RGL4: variants seen among roughly 807,000 people sequenced by gnomAD.
RGL4 encodes the protein ral guanine nucleotide dissociation stimulator like 4.
In RGL4, 41 loss-of-function variants were observed where a neutral mutation model predicts 49.6. The ratio of observed to expected loss-of-function variants is 0.83; its 90% CI spans 0.64 to 1.07. The LOEUF is 1.07. Among genes scored for constraint, RGL4 ranks in the 50% least tolerant of loss-of-function variants. RGL4 has a pLI of 0.00. For synonymous variants in RGL4, 255 were observed against 238.0 expected (o/e 1.07, Z -0.66); for missense variants, 610 against 591.9 (o/e 1.03, Z -0.32).
Position 23,698,281 on chromosome 22 carries a change from G to A in RGL4, c.1330G>A (p.Glu444Lys), listed in dbSNP as rs1035945500. ...AAMNYRLRPL[E>K]KFVTYFTRME... ...CATGAATTACAGGCTTCGGCCTCTT[G>A]AGAAATTTGTCACCTATTTCACAAG... The change falls in exon 10 of 11, where the codon GAG becomes AAG. Residue 444 changes from glutamate to lysine, a missense_variant. Glu to Lys is a moderately conservative substitution (Grantham distance 56). Transcript: ENST00000290691. The A allele has an allele frequency of 1.9e-6, 3 of 1,612,100 alleles. No individual in the cohort carries two copies. Among genetic ancestry groups the A allele is most frequent in the African/African-American group, 2.7e-5 (2 of 74,898 alleles).
Position 23,692,091 on chromosome 22 carries a change from G to A in RGL4, c.61G>A (p.Ala21Thr). The part of the protein sequence containing the change: ...AAVLSAQVYS[A>T]VLQGLWEENV... ...AGTCTTGAGTGCCCAGGTGTACAGTGCTGTGCTCCAGGGCCTTTGGGAAGA... is the reference window on the plus strand; with the variant it reads ...AGTCTTGAGTGCCCAGGTGTACAGTACTGTGCTCCAGGGCCTTTGGGAAGA... Residue 21 changes from alanine (A) to threonine (T), a missense_variant, in exon 1 of 11, where the codon GCT becomes ACT. Physicochemically the swap from Ala to Thr is moderately conservative, Grantham distance 58 (BLOSUM62 0). Coordinates refer to ENST00000290691, the MANE Select transcript of RGL4 (RefSeq NM_153615.2). The A allele has an allele frequency of 6.2e-7, 1 of 1,614,102 alleles. No homozygotes were observed. The highest frequency in any genetic ancestry group is 8.5e-7 in the Non-Finnish European group (1 of 1,179,944).
chr22:23,695,314 G>C (rs1923416894), intron 6 of RGL4: 1 of 454,462 alleles, frequency 2.2e-6, no homozygotes, highest in African/African-American at 2.0e-5. Flanking sequence ...CATTAGCAGG[G>C]CTCTGGCTCC....
chr22:23,693,176 C>A (rs1923251839), intron 3 of RGL4, 185 bp downstream of exon 3: 2 of 1,024,694 alleles, frequency 2.0e-6, no homozygotes, highest in Non-Finnish European at 2.8e-6. Flanking sequence ...GATGGGACAT[C>A]ACCAGCGCCA....
intron 6 of RGL4, 190 bp from the exon 7 acceptor site, chr22:23,696,424 G>A (rs746173245): frequency 2.0e-6 from 3 of 1,532,374 alleles, no homozygotes; most frequent in Non-Finnish European, 2.6e-6. Context: ...TTACAGAAGA[G>A]GAAACAGTCT....
At position 23,691,896 on chromosome 22, in the gene RGL4, T is replaced by TG; in HGVS notation, c.-131dup. Reference sequence around the variant, plus strand: ...GTCCCCTGCAAAGCAGAGGGGAGGCTGGGGTCACAGCTGGCCACTGAGAGA... The same window carrying TG: ...GTCCCCTGCAAAGCAGAGGGGAGGCTGGGGGTCACAGCTGGCCACTGAGAGA... On this transcript the variant is annotated 5_prime_UTR_variant, in exon 1 of 11. Transcript: ENST00000290691. The TG allele has an allele frequency of 2.4e-6, 2 of 828,658 alleles. No homozygotes were observed. Among genetic ancestry groups the TG allele is most frequent in the African/African-American group, 1.7e-5 (1 of 58,242 alleles). 51.3% of individuals were successfully genotyped at this position (828,658 alleles called of 1,614,324 possible). A position where few individuals can be genotyped will look rare whatever the true frequency, so the allele number is the denominator to read the frequency against.
At position 23,693,705 on chromosome 22, in the gene RGL4, G is replaced by T. The variant is rs115425550; in HGVS notation, c.697-54G>T. ...GCTCAGTCCCTGCCTGGGACTGTGG[G>T]TGACTCTGAGCTGCAGTGTGCTGTG... On this transcript the variant is annotated intron_variant, in intron 3 of 10. Transcript: ENST00000290691. The T allele has an allele frequency of 8.0e-4, 1,127 of 1,411,900 alleles. 12 individuals are homozygous for T. In the African/African-American group the frequency reaches 0.014, roughly 18 times the overall value. 87.5% of individuals were successfully genotyped at this position (1,411,900 alleles called of 1,614,324 possible).
Position 23,698,556 on chromosome 22 carries a change from T to G in RGL4, c.1382+223T>G, listed in dbSNP as rs192571167. On this transcript the variant is annotated intron_variant, in intron 10 of 10. Coordinates refer to ENST00000290691, the MANE Select transcript of RGL4 (RefSeq NM_153615.2). ...TCTGCTGTTGTTGTTCTGGTACAGA[T>G]GGGGTTTCACGATGATGTCCAGGAT... 6.1e-5 allele frequency: 44 copies of G among 722,796 alleles called. 1 individual carries two copies. Among genetic ancestry groups the G allele is most frequent in the East Asian group, 5.9e-4 (22 of 37,186 alleles). 44.8% of individuals were successfully genotyped at this position (722,796 alleles called of 1,614,324 possible).
chr22:23,694,251 G>A, intron 4 of RGL4, 96 bp from the exon 5 acceptor site: 2 of 1,008,036 alleles, frequency 2.0e-6, no homozygotes, highest in Admixed American at 1.8e-5. Context: ...CCAGGCCTCT[G>A]CTTCATCCAG....
chr22:23,696,667 G>A lies in RGL4; in HGVS notation c.1140G>A (p.Met380Ile). The change falls in exon 7 of 11, where the codon ATG becomes ATA. Residue 380 changes from methionine (M) to isoleucine (I), a missense_variant. By Grantham distance (10) the Met-to-Ile change is conservative (BLOSUM62 1). Coordinates refer to ENST00000290691, the MANE Select transcript of RGL4 (RefSeq NM_153615.2). Reference protein sequence around the residue: ...TQERNPQRVQMRLRRQKKGVV... With the variant: ...TQERNPQRVQIRLRRQKKGVV... ...AGAGGAACCCCCAGAGAGTCCAGATGAGGCTGCGGAGGCAGAAGAAGGTGA... is the reference window on the plus strand; with the variant it reads ...AGAGGAACCCCCAGAGAGTCCAGATAAGGCTGCGGAGGCAGAAGAAGGTGA... 1 of 1,613,342 alleles carries A rather than the reference G, an allele frequency of 6.2e-7. No individual in the cohort carries two copies. The highest frequency in any genetic ancestry group is 8.5e-7 in the Non-Finnish European group (1 of 1,179,768).
chr22:23,695,685 C>T (rs532618197), intron 6 of RGL4, among the ~76,000 whole-genome samples: 101 of 152,328 alleles, frequency 6.6e-4, no homozygotes, highest in African/African-American at 2.1e-3. Flanking sequence ...AGAGGATTCT[C>T]ACCGGTTAGC....
intron 8 of RGL4, 57 bp from the exon 9 acceptor site, chr22:23,697,781 G>A (rs777380523): frequency 1.8e-5 from 28 of 1,566,918 alleles, no homozygotes; most frequent in African/African-American, 2.7e-5. Flanking sequence ...GGGAAGGGGT[G>A]GGGTGGGGCT....
chr22:23,695,080 TGGAA>T, intron 6 of RGL4, 61 bp downstream of exon 6: 1 of 1,261,168 alleles, frequency 7.9e-7, no homozygotes, highest in Non-Finnish European at 1.2e-6. Context: ...AGAGTGAGTT[TGGAA>T]GGGCATTGGA....
chr22:23,694,830 T>A, intron 5 of RGL4, 120 bp from the exon 6 acceptor site: 1 of 787,058 alleles, frequency 1.3e-6, no homozygotes, highest in Admixed American at 1.8e-5. Context: ...ATCAGAGGAC[T>A]CCACTGAAAA....
At position 23,697,819 on chromosome 22, in the gene RGL4, G is replaced by T. The variant is rs1923605380; in HGVS notation, c.1237-19G>T. 4 of 1,602,548 alleles carry T rather than the reference G, an allele frequency of 2.5e-6. No homozygotes were observed. The highest frequency in any genetic ancestry group is 3.4e-6 in the Non-Finnish European group (4 of 1,175,826). The stretch of plus-strand genomic sequence containing the variant: ...TTGTGGGCCAGGGGCCTTTCTGATG[G>T]ACTCTGTCTGCCTTCCAGGGCAACA... On this transcript the variant is annotated intron_variant, in intron 8 of 10. Transcript: ENST00000290691.
chr22:23,693,985 G>C lies in RGL4; in HGVS notation c.912+11G>C. ...ATCAAGGTGGCCAGGGTAAGCTATG[G>C]TTGGGCCTGGGGATTCCCTCTTTAA... On this transcript the variant is annotated intron_variant, in intron 4 of 10. Transcript: ENST00000290691. The C allele has an allele frequency of 6.2e-7, 1 of 1,611,496 alleles. No homozygotes were observed. The highest frequency in any genetic ancestry group is 1.7e-5 in the Admixed American group (1 of 60,014).
chr22:23,696,443 C>T (rs749761215), intron 6 of RGL4, 171 bp from the exon 7 acceptor site: 7 of 1,538,692 alleles, frequency 4.5e-6, no homozygotes, highest in East Asian at 2.5e-5. Flanking sequence ...CTCAGGGAGG[C>T]CCGGCTGCAA....
At chr22:23,693,032 C>T (rs1442421618) in intron 3 of RGL4, 41 bp downstream of exon 3, 2 of 1,542,678 alleles carry the variant, frequency 1.3e-6, no homozygotes, top group East Asian at 4.6e-5. Flanking sequence ...CTGGCACCAG[C>T]TGTCTCAGAC....
At chr22:23,695,077 G>A in intron 6 of RGL4, 58 bp downstream of exon 6, 2 of 1,285,604 alleles carry the variant, frequency 1.6e-6, no homozygotes, top group Non-Finnish European at 2.3e-6. Context: ...AAAAGAGTGA[G>A]TTTGGAAGGG....
intron 3 of RGL4, chr22:23,693,327 G>C: frequency 2.2e-6 from 1 of 447,164 alleles, no homozygotes; most frequent in East Asian, 4.3e-5. Flanking sequence ...GCACTTATTA[G>C]GTACCTGATG....
Sources: gnomAD v4.1 joint callset for allele counts (sites outside exome capture counted in the v4.1 genomes callset) on GRCh38, gnomAD v4.1.1 for gene constraint, MANE v1.5 for transcripts, NCBI Gene and HGNC (gene_info 2026-07-23, HGNC 2026-07-21) for gene names.